The following RARB variants were observed in gnomAD, a reference collection of about 807,000 sequenced individuals.
The protein encoded by RARB is HBV-activated protein.
RARB carries 17 observed loss-of-function variants against 51.9 expected under a neutral mutation model. That is an observed-to-expected ratio of 0.33 (90% confidence interval 0.22 to 0.49). The LOEUF is 0.49. RARB is among the 20% of genes least tolerant of loss of function. The pLI is 0.99. For missense variants in RARB, 369 were observed against 550.8 expected, an observed-to-expected ratio of 0.67 and a Z score of 3.30; for synonymous variants, 215 against 195.4, an observed-to-expected ratio of 1.10 and a Z score of -0.84.
chr3:24,939,121 T>G (rs758098234), intron 2 of RARB, among the ~76,000 whole-genome samples: 1 of 152,088 alleles, frequency 6.6e-6, no homozygotes, highest in Non-Finnish European at 1.5e-5. Context: ...TAGCTAGGAT[T>G]ACAGGCGTGC....
chr3:25,566,314 G>C (rs145776115), intron 3 of RARB, among the ~76,000 whole-genome samples: 1 of 152,194 alleles, frequency 6.6e-6, no homozygotes, highest in Admixed American at 6.5e-5. Flanking sequence ...CATTTTGTGG[G>C]TGTGGAAGAA....
intron 5 of RARB, among the ~76,000 whole-genome samples, chr3:25,340,207 C>T (rs1473241976): frequency 6.6e-6 from 1 of 152,044 alleles, no homozygotes; most frequent in Non-Finnish European, 1.5e-5. Flanking sequence ...ACAAAGGACT[C>T]TGAAAGACTA....
intron 1 of RARB, among the ~76,000 whole-genome samples, chr3:25,432,066 C>T (rs969733811): frequency 1.3e-5 from 2 of 152,050 alleles, no homozygotes; most frequent in African/African-American, 2.4e-5. Context: ...TTCTGCTTCT[C>T]GGGCACATGA....
At chr3:25,384,195 A>C (rs1027800324) in intron 5 of RARB, among the ~76,000 whole-genome samples, 1 of 152,144 alleles carries the variant, frequency 6.6e-6, no homozygotes, top group Non-Finnish European at 1.5e-5. Context: ...ACCCCAGTAG[A>C]GCCCCGCCCC....
At chr3:25,336,996 C>T (rs1229178128) in intron 5 of RARB, among the ~76,000 whole-genome samples, 1 of 152,084 alleles carries the variant, frequency 6.6e-6, no homozygotes. Flanking sequence ...TTATAAATCG[C>T]CATGGATGCA....
intron 2 of RARB, among the ~76,000 whole-genome samples, chr3:24,898,977 C>CTT (rs1703539141): frequency 6.6e-6 from 1 of 152,148 alleles, no homozygotes; most frequent in South Asian, 2.1e-4. Context: ...CCACCTCTGG[C>CTT]TTGAAGGTGG....
At chr3:24,872,036 T>C (rs4858657) in intron 2 of RARB, among the ~76,000 whole-genome samples, 1,543 of 152,260 alleles carry the variant, frequency 0.01, 24 homozygotes, top group African/African-American at 0.036. Context: ...CAATATAACC[T>C]TTTAGTGTTT....
chr3:25,312,198 A>G (rs1397600130), intron 5 of RARB, among the ~76,000 whole-genome samples: 2 of 152,144 alleles, frequency 1.3e-5, no homozygotes, highest in African/African-American at 4.8e-5. Flanking sequence ...ATAAATGGAA[A>G]GGAGGAATTT....
intron 1 of RARB, among the ~76,000 whole-genome samples, chr3:25,455,518 G>A (rs1203412784): frequency 6.6e-6 from 1 of 152,196 alleles, no homozygotes; most frequent in African/African-American, 2.4e-5. Context: ...TTTCCTTAGT[G>A]ATAGTTATCT....
chr3:25,447,212 T>C (rs1283445002), intron 1 of RARB, among the ~76,000 whole-genome samples: 1 of 152,166 alleles, frequency 6.6e-6, no homozygotes, highest in East Asian at 1.9e-4. Context: ...GCAGATTTCA[T>C]TTTTTTAATT....
intron 2 of RARB, among the ~76,000 whole-genome samples, chr3:24,902,220 C>G (rs1703623572): frequency 6.6e-6 from 1 of 152,098 alleles, no homozygotes; most frequent in South Asian, 2.1e-4. Flanking sequence ...CTTACGTGTC[C>G]CTAGAGATCT....
At chr3:25,500,610 C>G (rs1333886086) in intron 2 of RARB, among the ~76,000 whole-genome samples, 3 of 151,636 alleles carry the variant, frequency 2.0e-5, no homozygotes, top group African/African-American at 7.3e-5. Flanking sequence ...CTCCCAAGGG[C>G]TGGGATTACA....
chr3:24,984,496 T>C (rs1306931523), intron 2 of RARB, among the ~76,000 whole-genome samples: 1 of 152,234 alleles, frequency 6.6e-6, no homozygotes, highest in Non-Finnish European at 1.5e-5. Flanking sequence ...GAATTTTTAT[T>C]CTTTAAATTA....
intron 1 of RARB, among the ~76,000 whole-genome samples, chr3:25,449,454 G>T (rs1325726250): frequency 6.6e-6 from 1 of 151,994 alleles, no homozygotes; most frequent in Non-Finnish European, 1.5e-5. Flanking sequence ...CTTTATGCTG[G>T]GTTAACTGTG....
intron 4 of RARB, among the ~76,000 whole-genome samples, chr3:25,152,339 T>C (rs1028160637): frequency 2.0e-5 from 3 of 152,214 alleles, no homozygotes; most frequent in Admixed American, 2.0e-4. Flanking sequence ...GACATATTTT[T>C]AAGTTGGCAC....
intron 3 of RARB, among the ~76,000 whole-genome samples, chr3:25,065,373 T>C (rs1435252825): frequency 1.3e-5 from 2 of 152,226 alleles, no homozygotes; most frequent in Non-Finnish European, 2.9e-5. Context: ...AGACATTGCA[T>C]TTAAAAATCT....
chr3:25,195,270 C>T (rs1163295625), intron 5 of RARB, among the ~76,000 whole-genome samples: 1 of 151,872 alleles, frequency 6.6e-6, no homozygotes, highest in Non-Finnish European at 1.5e-5. Flanking sequence ...CAGGCCTAGA[C>T]TTAAAATTGT....
At chr3:25,304,697 GTTAA>G (rs1197233857) in intron 5 of RARB, among the ~76,000 whole-genome samples, 8 of 152,174 alleles carry the variant, frequency 5.3e-5, no homozygotes, top group Admixed American at 4.6e-4. Flanking sequence ...TATTATAATA[GTTAA>G]TTAGTTTCCT....
intron 5 of RARB, among the ~76,000 whole-genome samples, chr3:25,399,187 C>A (rs756135843): frequency 6.6e-6 from 1 of 152,182 alleles, no homozygotes; most frequent in Non-Finnish European, 1.5e-5. Context: ...GAGAAATAAA[C>A]CCCCTGGGCT....
Sources: gnomAD v4.1 joint callset for allele counts (sites outside exome capture counted in the v4.1 genomes callset) on GRCh38, gnomAD v4.1.1 for gene constraint, MANE v1.5 for transcripts, NCBI Gene and HGNC (gene_info 2026-07-23, HGNC 2026-07-21) for gene names.